The following TRIM35 variants were observed in gnomAD, a reference collection of about 807,000 sequenced individuals.
TRIM35 encodes E3 ubiquitin-protein ligase TRIM35.
A neutral mutation model predicts 49.1 loss-of-function variants in TRIM35; 37 were observed. That is an observed-to-expected ratio of 0.75 (90% confidence interval 0.58 to 0.99). The LOEUF is 0.99. Ranked by LOEUF, TRIM35 falls within the 50% of genes least tolerant of loss-of-function variation. TRIM35 has a pLI of 0.00. For synonymous variants in TRIM35, 302 were observed against 289.3 expected, an observed-to-expected ratio of 1.04 and a Z score of -0.45; for missense variants, 648 against 702.7, an observed-to-expected ratio of 0.92 and a Z score of 0.88.
chr8:27,288,329 G>A (rs1285400353), intron 5 of TRIM35, among the ~76,000 whole-genome samples: 9 of 152,134 alleles, frequency 5.9e-5, no homozygotes, highest in East Asian at 3.8e-4. Flanking sequence ...TGGTACCTCC[G>A]AGTGTGACCT....
rs1342756006 is a variant in TRIM35, at chr8:27,285,824, ACT to A, written c.*1724_*1725del. The A allele has an allele frequency of 5.3e-6, 1 of 187,612 alleles. No homozygotes were observed. Among genetic ancestry groups the A allele is most frequent in the Non-Finnish European group, 1.1e-5 (1 of 88,806 alleles). The allele number at this position is 187,612 out of a possible 1,614,324, so 11.6% of individuals were successfully genotyped here. A position where few individuals can be genotyped will look rare whatever the true frequency, so the allele number is the denominator to read the frequency against. On this transcript the variant is annotated 3_prime_UTR_variant, in exon 6 of 6. Coordinates refer to ENST00000305364, the MANE Select transcript of TRIM35 (RefSeq NM_171982.5). ...TAAATACTTTACAGGAGAGGGTCAC[ACT>A]CTCAGACACTTTGGCTCCCAAAGGG...
intron 3 of TRIM35, among the ~76,000 whole-genome samples, chr8:27,290,477 G>A (rs979606990): frequency 3.3e-5 from 5 of 152,192 alleles, no homozygotes; most frequent in Admixed American, 6.5e-5. Flanking sequence ...TAGTTGTCAT[G>A]AGACTGGGTT....
Position 27,289,300 on chromosome 8 carries a change from A to G in TRIM35, c.786-20T>C. On this transcript the variant is annotated intron_variant, in intron 4 of 5. Coordinates refer to ENST00000305364, the MANE Select transcript of TRIM35 (RefSeq NM_171982.5). ...AAGAGTCTGGAAAAGTACAATGGGT[A>G]TGGTGGGCAGGGCCAGAGCCATGCA... The G allele has an allele frequency of 6.2e-7, 1 of 1,605,814 alleles. No individual in the cohort carries two copies. The highest frequency in any genetic ancestry group is 8.5e-7 in the Non-Finnish European group (1 of 1,172,650).
rs985191823 is a variant in TRIM35, at chr8:27,290,290, G to A, written c.763-112C>T. On this transcript the variant is annotated intron_variant, in intron 3 of 5. Transcript: ENST00000305364. The stretch of plus-strand genomic sequence containing the variant: ...TCCATGGATCATAAGTCTTAATATT[G>A]TCAAGATGTTAACAATAACATCCCT... The A allele has an allele frequency of 8.6e-6, 9 of 1,047,622 alleles. No homozygotes were observed. In the African/African-American group the frequency reaches 1.1e-4, roughly 13 times the overall value. 64.9% of individuals were successfully genotyped at this position (1,047,622 alleles called of 1,614,324 possible). A position where few individuals can be genotyped will look rare whatever the true frequency, so the allele number is the denominator to read the frequency against.
At chr8:27,290,510 C>T (rs1353188434) in intron 3 of TRIM35, among the ~76,000 whole-genome samples, 1 of 152,190 alleles carries the variant, frequency 6.6e-6, no homozygotes, top group Non-Finnish European at 1.5e-5. Context: ...TGAGCAACTA[C>T]TCTGTCTTGC....
chr8:27,299,151 A>T (rs886217541), intron 1 of TRIM35, among the ~76,000 whole-genome samples: 1 of 152,126 alleles, frequency 6.6e-6, no homozygotes, highest in Non-Finnish European at 1.5e-5. Context: ...GAATACTTTA[A>T]TCAGCAGGCA....
intron 1 of TRIM35, 124 bp downstream of exon 1, chr8:27,310,677 G>T: frequency 8.7e-7 from 1 of 1,154,468 alleles, no homozygotes; most frequent in Non-Finnish European, 1.2e-6. Context: ...GTGGGGTCCT[G>T]CATGCTGGGA....
intron 1 of TRIM35, among the ~76,000 whole-genome samples, chr8:27,310,064 T>C (rs1371260986): frequency 6.6e-6 from 1 of 152,012 alleles, no homozygotes; most frequent in Non-Finnish European, 1.5e-5. Flanking sequence ...TTTCAACTGA[T>C]ACATATGTTC....
In TRIM35 at chr8:27,310,852, T is replaced by C; in HGVS notation, c.384A>G (p.Arg128=). ...CCGGCTGCACGCGGTGCCCCTGGTG[T>C]CGGGGGTCGGCCTGGCAGGAGCAGC... ...LLCCSCQADP[R]HQGHRVQPVK... The change falls in exon 1 of 6, where the codon CGA becomes CGG. Residue 128 remains arginine, a synonymous_variant. Transcript: ENST00000305364. 6.2e-7 allele frequency: 1 copy of C among 1,609,414 alleles called. No individual in the cohort carries two copies. Among genetic ancestry groups the C allele is most frequent in the East Asian group, 2.2e-5 (1 of 44,686 alleles).
In TRIM35 at chr8:27,294,211, C is replaced by G. The variant is rs778922429; in HGVS notation, c.631G>C (p.Glu211Gln). Reference protein sequence around the residue: ...EEQAILDAMAEETRQKQLLAD... With the variant: ...EEQAILDAMAQETRQKQLLAD... ...AGAAGTTGCTTCTGCCTTGTCTCCT[C>G]GGCCATGGCATCCAGAATGGCCTGC... Residue 211 changes from glutamate (E) to glutamine (Q), a missense_variant, in exon 3 of 6, where the codon GAG (glutamate) becomes CAG (glutamine). Coordinates refer to ENST00000305364, the MANE Select transcript of TRIM35 (RefSeq NM_171982.5). 2 of 1,614,100 alleles carry G rather than the reference C, an allele frequency of 1.2e-6. No homozygotes were observed. Among genetic ancestry groups the G allele is most frequent in the Non-Finnish European group, 1.7e-6 (2 of 1,180,056 alleles).
chr8:27,292,940 A>G (rs574735474), intron 3 of TRIM35, among the ~76,000 whole-genome samples: 1 of 152,330 alleles, frequency 6.6e-6, no homozygotes, highest in Non-Finnish European at 1.5e-5. Flanking sequence ...AATACTCCCA[A>G]TTCCCTAAAC....
intron 1 of TRIM35, among the ~76,000 whole-genome samples, chr8:27,303,507 G>C (rs1395331617): frequency 2.0e-5 from 3 of 151,938 alleles, no homozygotes; most frequent in Non-Finnish European, 4.4e-5. Context: ...AATATGCTTA[G>C]ATTACAAATA....
chr8:27,307,509 T>C (rs956413652), intron 1 of TRIM35, among the ~76,000 whole-genome samples: 2 of 152,138 alleles, frequency 1.3e-5, no homozygotes, highest in African/African-American at 4.8e-5. Flanking sequence ...TGAAACTATG[T>C]AATTATTAGT....
At chr8:27,297,878 T>C (rs993552213) in intron 2 of TRIM35, among the ~76,000 whole-genome samples, 1 of 152,054 alleles carries the variant, frequency 6.6e-6, no homozygotes, top group African/African-American at 2.4e-5. Flanking sequence ...TGGTAAGGAA[T>C]CTGGGTGGTA....
At chr8:27,288,394 GGTCC>G (rs1802383843) in intron 5 of TRIM35, among the ~76,000 whole-genome samples, 1 of 152,078 alleles carries the variant, frequency 6.6e-6, no homozygotes, top group South Asian at 2.1e-4. Flanking sequence ...ACTGGAGGAG[GGTCC>G]CCAATCCAAT....
intron 1 of TRIM35, among the ~76,000 whole-genome samples, chr8:27,300,915 G>A (rs545938391): frequency 1.6e-4 from 25 of 152,230 alleles, no homozygotes; most frequent in Admixed American, 6.5e-5. Context: ...CTGTCCATAC[G>A]CATTACCCAA....
At chr8:27,296,502 A>C (rs769219316) in intron 2 of TRIM35, among the ~76,000 whole-genome samples, 3 of 152,186 alleles carry the variant, frequency 2.0e-5, no homozygotes, top group East Asian at 1.9e-4. Context: ...AAAAAGTACT[A>C]ATCAGGCTGG....
intron 2 of TRIM35, 52 bp from the exon 3 acceptor site, chr8:27,294,362 T>C (rs1287295809): frequency 6.5e-7 from 1 of 1,537,872 alleles, no homozygotes; most frequent in African/African-American, 1.4e-5. Context: ...AGGACATCCA[T>C]AGCCCAGCAA....
chr8:27,287,371 G>GA lies in TRIM35; in HGVS notation c.*178dup. On this transcript the variant is annotated 3_prime_UTR_variant, in exon 6 of 6. Transcript: ENST00000305364. This position sits in a 1 kb window ranked among gnomAD's most constrained non-coding sequence, Gnocchi z 6.0. ...CGAATAGCTCCTGACCATGGGCACA[G>GA]AAGGGACCAAACATGGAGAGAGGCA... 1.4e-6 allele frequency: 1 copy of GA among 700,880 alleles called. No homozygotes were observed. The highest frequency in any genetic ancestry group is 2.3e-6 in the Non-Finnish European group (1 of 432,862). 43.4% of individuals were successfully genotyped at this position (700,880 alleles called of 1,614,324 possible).
Sources: allele counts gnomAD v4.1 joint callset (sites outside exome capture counted in the v4.1 genomes callset), GRCh38; gene constraint gnomAD v4.1.1; non-coding constraint Gnocchi (gnomAD v3.1); transcripts MANE v1.5; gene names NCBI Gene and HGNC (gene_info 2026-07-23, HGNC 2026-07-21).